Variants in NXPE2 observed in about 807,000 individuals in gnomAD.
NXPE2 encodes the protein neurexophilin and PC-esterase domain family member 2, also known as NXPE family member 2.
NXPE2 carries 34 observed loss-of-function variants against 34.4 expected under a neutral mutation model. That is an observed-to-expected ratio of 0.99 (90% CI 0.75 to 1.31). The LOEUF (loss-of-function observed/expected upper bound fraction) is 1.31, where lower values mean the gene tolerates loss of function less well. NXPE2 is among the 40% of genes most tolerant of loss of function. The pLI is 0.00. For synonymous variants in NXPE2, 235 were observed against 231.3 expected, an observed-to-expected ratio of 1.02 and a Z score of -0.15; for missense variants, 649 against 672.5, an observed-to-expected ratio of 0.97 and a Z score of 0.39.
the NXPE2 span, among the ~76,000 whole-genome samples, chr11:114,812,485 T>C: frequency 6.6e-6 from 1 of 152,224 alleles, no homozygotes; most frequent in African/African-American, 2.4e-5. Context: ...GTGGAAGTTC[T>C]AAGAGGAGAA....
chr11:114,467,395 G>A, the NXPE2 span, among the ~76,000 whole-genome samples: 27 of 152,102 alleles, frequency 1.8e-4, no homozygotes, highest in Admixed American at 3.3e-4. Flanking sequence ...GAAAAGGTCC[G>A]TTTTTAAGGA....
chr11:114,685,672 T>A (rs1386490853), intron 2 of NXPE2, among the ~76,000 whole-genome samples: 1 of 152,066 alleles, frequency 6.6e-6, no homozygotes, highest in South Asian at 2.1e-4. Flanking sequence ...AACAGGTTAT[T>A]AAATAATGAG....
chr11:114,554,113 A>G, the NXPE2 span: 22 of 985,220 alleles, frequency 2.2e-5, no homozygotes, highest in Non-Finnish European at 2.5e-5. Flanking sequence ...TCCTCTCCTT[A>G]TGCTTCTATA....
At chr11:114,474,014 A>G in the NXPE2 span, among the ~76,000 whole-genome samples, 1 of 152,322 alleles carries the variant, frequency 6.6e-6, no homozygotes, top group South Asian at 2.1e-4. Context: ...AGTTAAAGAT[A>G]TATTCAAGGT....
At chr11:114,614,363 C>A in the NXPE2 span, among the ~76,000 whole-genome samples, 1 of 151,110 alleles carries the variant, frequency 6.6e-6, no homozygotes, top group Non-Finnish European at 1.5e-5. Flanking sequence ...TCTAGGGTAA[C>A]CACTGTTACC....
At chr11:114,481,404 G>A in the NXPE2 span, among the ~76,000 whole-genome samples, 10 of 152,096 alleles carry the variant, frequency 6.6e-5, no homozygotes, top group African/African-American at 2.4e-4. Context: ...TGCCTAAAAA[G>A]AGCAGTACAC....
At chr11:114,554,198 T>C in the NXPE2 span, 10 of 983,884 alleles carry the variant, frequency 1.0e-5, no homozygotes, top group Non-Finnish European at 1.2e-5. Context: ...TAATAGAAAC[T>C]TGTAGCTGGA....
At chr11:114,474,561 A>G in the NXPE2 span, among the ~76,000 whole-genome samples, 154 of 152,322 alleles carry the variant, frequency 1.0e-3, no homozygotes, top group African/African-American at 3.5e-3. Context: ...TTAGCCATTC[A>G]GCAGTGATTG....
the NXPE2 span, among the ~76,000 whole-genome samples, chr11:114,772,927 C>T: frequency 6.6e-6 from 1 of 152,156 alleles, no homozygotes; most frequent in Admixed American, 6.5e-5. Flanking sequence ...CCCTTTTCTC[C>T]TGGCATTCCA....
chr11:114,586,865 T>C, the NXPE2 span, among the ~76,000 whole-genome samples: 1 of 152,210 alleles, frequency 6.6e-6, no homozygotes, highest in Admixed American at 6.5e-5. Flanking sequence ...AGTAATCCTC[T>C]TAGGCAAGAT....
the NXPE2 span, among the ~76,000 whole-genome samples, chr11:114,646,088 T>A: frequency 6.6e-6 from 1 of 152,126 alleles, no homozygotes; most frequent in Non-Finnish European, 1.5e-5. Flanking sequence ...GTGACTTCCC[T>A]TCAACTTCTT....
At chr11:114,678,520 C>T (rs920871490), upstream of NXPE2, 14 of 1,379,324 alleles carry the variant, frequency 1.0e-5, no homozygotes, top group Admixed American at 2.9e-4. Flanking sequence ...AATGCAAAGA[C>T]TGCTTTAATC....
At chr11:114,640,572 C>T in the NXPE2 span, among the ~76,000 whole-genome samples, 2 of 151,834 alleles carry the variant, frequency 1.3e-5, no homozygotes, top group Admixed American at 1.3e-4. Flanking sequence ...CACTCCCACC[C>T]ACAATGCATA....
the NXPE2 span, chr11:114,580,017 T>A: frequency 1.2e-6 from 1 of 865,792 alleles, no homozygotes. Context: ...AATTTTGGTG[T>A]GTTGTGATTG....
intron 2 of NXPE2, among the ~76,000 whole-genome samples, chr11:114,682,784 A>G (rs1950970730): frequency 6.6e-6 from 1 of 152,094 alleles, no homozygotes; most frequent in Non-Finnish European, 1.5e-5. Flanking sequence ...GGAAGAAGAC[A>G]TTTCCTTTAG....
At chr11:114,522,882 T>C in the NXPE2 span, 1 of 1,608,170 alleles carries the variant, frequency 6.2e-7, no homozygotes, top group Non-Finnish European at 8.5e-7. Context: ...TACCTACTTT[T>C]TACAACTTTG....
At chr11:114,632,733 A>AAT in the NXPE2 span, among the ~76,000 whole-genome samples, 11 of 59,652 alleles carry the variant, frequency 1.8e-4, no homozygotes, top group South Asian at 1.2e-3. Flanking sequence ...AATATATAAT[A>AAT]TATATAAAAT....
chr11:114,592,174 G>A, the NXPE2 span, among the ~76,000 whole-genome samples: 1 of 152,060 alleles, frequency 6.6e-6, no homozygotes, highest in Non-Finnish European at 1.5e-5. Context: ...CCTAGCCAGA[G>A]CAATTAAGTC....
At chr11:114,573,658 A>G in the NXPE2 span, among the ~76,000 whole-genome samples, 3 of 152,076 alleles carry the variant, frequency 2.0e-5, no homozygotes, top group Admixed American at 2.0e-4. Flanking sequence ...ATTCAACAGG[A>G]AAATACCACA....
Sources: gnomAD v4.1 joint callset for allele counts (sites outside exome capture counted in the v4.1 genomes callset) on GRCh38, gnomAD v4.1.1 for gene constraint, MANE v1.5 for transcripts, NCBI Gene and HGNC (gene_info 2026-07-23, HGNC 2026-07-21) for gene names.